Variants in UNC5B observed in about 807,000 individuals in gnomAD.
UNC5B encodes the protein netrin receptor UNC5B.
Under a neutral mutation model 103.7 loss-of-function variants are expected in UNC5B, and 56 were observed. The observed-to-expected ratio is 0.54, with a 90% CI of 0.44 to 0.67. The LOEUF (loss-of-function observed/expected upper bound fraction) is 0.67. UNC5B is among the 30% of genes least tolerant of loss of function. UNC5B has a pLI of 0.00. For synonymous variants in UNC5B, 577 were observed against 542.0 expected, an observed-to-expected ratio of 1.06 and a Z score of -0.90; for missense variants, 1,194 against 1,284.5, an observed-to-expected ratio of 0.93 and a Z score of 1.08.
At chr10:71,283,921 C>CGTGCTGAGCCCCCTTTCT (rs1844995547) in intron 2 of UNC5B, among the ~76,000 whole-genome samples, 1 of 152,184 alleles carries the variant, frequency 6.6e-6, no homozygotes, top group Non-Finnish European at 1.5e-5. Flanking sequence ...CACCTCTGCA[C>CGTGCTGAGCCCCCTTTCT]GTGCTGAGCC....
chr10:71,224,365 A>ACGCACG (rs5786028), intron 1 of UNC5B, among the ~76,000 whole-genome samples: 2 of 29,164 alleles, frequency 6.9e-5, no homozygotes, highest in South Asian at 2.6e-3. Context: ...CTGTATGTAG[A>ACGCACG]CACACACACA....
intron 1 of UNC5B, among the ~76,000 whole-genome samples, chr10:71,247,513 GCTCCCAGACGTTGCAGTCAGCTGGAGGC>G (rs1844064807): frequency 1.3e-5 from 2 of 152,232 alleles, no homozygotes; most frequent in African/African-American, 4.8e-5. Flanking sequence ...TGTTGGACAG[GCTCCCAGACGTTGCAGTCAGCTGGAGGC>G]CTCACCTTCT....
In UNC5B at chr10:71,293,738, C is replaced by G; in HGVS notation, c.1980C>G (p.Pro660=). ...TGGATGAGGAGACCCTGAACACACC[C>G]TGCTACTGCCAGCTGGAGCCCAGGG... is the stretch of plus-strand genomic sequence containing the variant. The part of the protein sequence containing the change: ...VTLDEETLNT[P]CYCQLEPRAC... The change falls in exon 13 of 17, where the codon CCC becomes CCG. Residue 660 remains proline (P), a synonymous_variant. Transcript: ENST00000335350. The G allele has an allele frequency of 6.3e-7, 1 of 1,592,296 alleles. No individual in the cohort carries two copies. Among genetic ancestry groups the G allele is most frequent in the African/African-American group, 1.3e-5 (1 of 74,394 alleles).
chr10:71,225,619 C>T (rs540070041), intron 1 of UNC5B, among the ~76,000 whole-genome samples: 119 of 152,312 alleles, frequency 7.8e-4, no homozygotes, highest in South Asian at 1.0e-3. Context: ...ATCCCTCGGC[C>T]GGCTGCCCAT....
At chr10:71,272,559 C>A (rs981740640) in intron 1 of UNC5B, among the ~76,000 whole-genome samples, 1 of 152,234 alleles carries the variant, frequency 6.6e-6, no homozygotes, top group African/African-American at 2.4e-5. Flanking sequence ...CAAGCCTTCA[C>A]CCACAACCCT....
intron 1 of UNC5B, among the ~76,000 whole-genome samples, chr10:71,277,084 T>A (rs1398165214): frequency 6.6e-6 from 1 of 152,218 alleles, no homozygotes; most frequent in Admixed American, 6.5e-5. Context: ...GGATGTCTAA[T>A]GTTTGCTTTC....
intron 1 of UNC5B, among the ~76,000 whole-genome samples, chr10:71,271,246 C>T (rs1319498133): frequency 6.6e-6 from 1 of 152,204 alleles, no homozygotes; most frequent in South Asian, 2.1e-4. Flanking sequence ...TCTTCTGCCT[C>T]GTTTTCGCAT....
At position 71,285,444 on chromosome 10, in the gene UNC5B, A is replaced by G. The variant is rs1268970231; in HGVS notation, c.552+15A>G. Reference sequence around the variant, plus strand: ...CTGTGGCCGAGGTGAGCGGGGACGTAGGGACCACTGAGCACGGCCCTGTGG... The same window carrying G: ...CTGTGGCCGAGGTGAGCGGGGACGTGGGGACCACTGAGCACGGCCCTGTGG... On this transcript the variant is annotated intron_variant, in intron 4 of 16. Coordinates refer to ENST00000335350, the MANE Select transcript of UNC5B (RefSeq NM_170744.5). 1 of 1,572,150 alleles carries G rather than the reference A, an allele frequency of 6.4e-7. No homozygotes were observed. Among genetic ancestry groups the G allele is most frequent in the South Asian group, 1.2e-5 (1 of 86,224 alleles).
At chr10:71,237,962 A>T (rs1255973209) in intron 1 of UNC5B, among the ~76,000 whole-genome samples, 3 of 152,062 alleles carry the variant, frequency 2.0e-5, no homozygotes, top group Non-Finnish European at 4.4e-5. Context: ...GTAATTGGGG[A>T]TCAAGGGGCT....
intron 1 of UNC5B, among the ~76,000 whole-genome samples, chr10:71,276,277 G>C (rs1456171950): frequency 6.6e-6 from 1 of 152,122 alleles, no homozygotes; most frequent in Non-Finnish European, 1.5e-5. Context: ...CACTCTCTGA[G>C]CGGCGCCTGG....
At chr10:71,287,898 C>A in intron 6 of UNC5B, 133 bp downstream of exon 6, 1 of 1,229,064 alleles carries the variant, frequency 8.1e-7, no homozygotes, top group Non-Finnish European at 1.1e-6. Flanking sequence ...CCACAGCCGG[C>A]TGCCCAGGCT....
chr10:71,243,288 A>G (rs958950558), intron 1 of UNC5B, among the ~76,000 whole-genome samples: 1 of 152,054 alleles, frequency 6.6e-6, no homozygotes, highest in Non-Finnish European at 1.5e-5. Context: ...CCAAGCAGAA[A>G]GAGCCTGGGC....
intron 4 of UNC5B, 96 bp downstream of exon 4, chr10:71,285,525 C>G: frequency 8.9e-7 from 1 of 1,117,416 alleles, no homozygotes; most frequent in South Asian, 1.6e-5. Flanking sequence ...TGGTGCTAGT[C>G]TCCCAGAGCC....
At position 71,302,605 on chromosome 10, in the gene UNC5B, A is replaced by G. The variant is rs1397324473; in HGVS notation, c.*3328A>G. The G allele has an allele frequency of 1.3e-5, 2 of 151,176 alleles. No homozygotes were observed. Among genetic ancestry groups the G allele is most frequent in the African/African-American group, 4.9e-5 (2 of 40,670 alleles). The allele number at this position is 151,176 out of a possible 1,614,324, so 9.4% of individuals were successfully genotyped here. On this transcript the variant is annotated 3_prime_UTR_variant, in exon 17 of 17. Coordinates refer to ENST00000335350, the MANE Select transcript of UNC5B (RefSeq NM_170744.5). ...CTCTGGTCCCTATTCCCCAGCTCCT[A>G]GGCAGCTGAGCCGGGTCCCTTAGGG...
intron 1 of UNC5B, among the ~76,000 whole-genome samples, chr10:71,219,749 T>G (rs1843414462): frequency 6.6e-6 from 1 of 152,240 alleles, no homozygotes; most frequent in Admixed American, 6.5e-5. Flanking sequence ...GTTGCTGATG[T>G]CCACTCTAGA....
chr10:71,253,311 A>G (rs1844217844), intron 1 of UNC5B, among the ~76,000 whole-genome samples: 1 of 152,180 alleles, frequency 6.6e-6, no homozygotes, highest in African/African-American at 2.4e-5. Context: ...TGGCCACCCT[A>G]CTGCAAGGCC....
chr10:71,284,796 G>T lies in UNC5B; in HGVS notation c.381G>T (p.Trp127Cys). ...AGCTCTTTGGGCTGGAGGATTACTG[G>T]TGCCAGTGCGTGGCCTGGAGCTCCG... ...VEELFGLEDY[W>C]CQCVAWSSAG... is the part of the protein sequence containing the mutation. Residue 127 changes from tryptophan to cysteine, a missense_variant, in exon 3 of 17, where the codon TGG becomes TGT. Coordinates refer to ENST00000335350, the MANE Select transcript of UNC5B (RefSeq NM_170744.5). 1.9e-6 allele frequency: 3 copies of T among 1,613,910 alleles called. No individual in the cohort carries two copies. The highest frequency in any genetic ancestry group is 1.7e-6 in the Non-Finnish European group (2 of 1,179,980).
intron 2 of UNC5B, among the ~76,000 whole-genome samples, chr10:71,284,165 G>A (rs921193773): frequency 3.9e-5 from 6 of 152,198 alleles, no homozygotes; most frequent in Non-Finnish European, 5.9e-5. Context: ...TCGGGGAGGC[G>A]CAGGGTGGAG....
intron 1 of UNC5B, among the ~76,000 whole-genome samples, chr10:71,233,026 C>T (rs567937309): frequency 1.3e-5 from 2 of 152,296 alleles, no homozygotes; most frequent in African/African-American, 4.8e-5. Flanking sequence ...GTGGGCAGGT[C>T]GCTGTCCCTC....
Sources: gnomAD v4.1 joint callset for allele counts (sites outside exome capture counted in the v4.1 genomes callset) on GRCh38, gnomAD v4.1.1 for gene constraint, MANE v1.5 for transcripts, NCBI Gene and HGNC (gene_info 2026-07-23, HGNC 2026-07-21) for gene names.